CYP3A43: variants seen among roughly 807,000 people sequenced by gnomAD.
CYP3A43 encodes cytochrome P450 3A43.
CYP3A43 carries 45 observed loss-of-function variants against 58.0 expected under a neutral mutation model. The observed-to-expected ratio is 0.78, with a 90% CI of 0.61 to 0.99. The LOEUF (loss-of-function observed/expected upper bound fraction) is 0.99, where lower values mean the gene tolerates loss of function less well. Among genes scored for constraint, CYP3A43 ranks in the 50% least tolerant of loss-of-function variants. The pLI is 0.00. For missense variants in CYP3A43, 593 were observed against 591.9 expected (o/e 1.00, Z -0.02); for synonymous variants, 191 against 201.4 (o/e 0.95, Z 0.44).
chr7:99,830,779 A>C (rs1478248209), intron 1 of CYP3A43, among the ~76,000 whole-genome samples: 1 of 152,228 alleles, frequency 6.6e-6, no homozygotes, highest in African/African-American at 2.4e-5. Context: ...CAAGGCTCCC[A>C]TGCATATTCA....
Position 99,865,905 on chromosome 7 carries a change from G to T in CYP3A43, c.1417-1G>T, listed in dbSNP as rs201313822. Reference sequence around the variant, plus strand: ...TGAATATTCTTGTTTAACTTTTGCAGATCCCACTGAAATTAGACAATCTAC... The same window carrying T: ...TGAATATTCTTGTTTAACTTTTGCATATCCCACTGAAATTAGACAATCTAC... On this transcript the variant is annotated splice_acceptor_variant, in intron 12 of 12. Transcript: ENST00000354829. LOFTEE classifies it high-confidence loss of function. 9.4e-6 allele frequency: 15 copies of T among 1,588,124 alleles called. No individual in the cohort carries two copies. The highest frequency in any genetic ancestry group is 1.3e-5 in the Non-Finnish European group (15 of 1,168,942).
Position 99,848,238 on chromosome 7 carries a change from T to C in CYP3A43, c.505T>C (p.Ser169Pro). ...GAGGCAGGAAGCAGAGAACAGCAAGTCCATCAACTTGAAAGAGTAAGTAGC... is the reference window on the plus strand; with the variant it reads ...GAGGCAGGAAGCAGAGAACAGCAAGCCCATCAACTTGAAAGAGTAAGTAGC... ...SLRQEAENSKSINLKDFFGAY... is the reference protein window; with the variant it reads ...SLRQEAENSKPINLKDFFGAY... The change falls in exon 6 of 13, where the codon TCC becomes CCC. Residue 169 changes from serine (S) to proline (P), a missense_variant. Ser to Pro is a moderately conservative substitution (Grantham distance 74). Coordinates refer to ENST00000354829, the MANE Select transcript of CYP3A43 (RefSeq NM_057095.3). 6.2e-7 allele frequency: 1 copy of C among 1,614,052 alleles called. No individual in the cohort carries two copies. The highest frequency in any genetic ancestry group is 1.1e-5 in the South Asian group (1 of 91,066).
At position 99,856,613 on chromosome 7, in the gene CYP3A43, A is replaced by G. The variant is rs564380074; in HGVS notation, c.799-220A>G. On this transcript the variant is annotated intron_variant, in intron 8 of 12. Coordinates refer to ENST00000354829, the MANE Select transcript of CYP3A43 (RefSeq NM_057095.3). ...AGGGAGAGCAAAGACTAAAAAGCAG[A>G]TAGACATGACAAAAGGATTTCTCTC... Among the ~76,000 whole-genome samples the G allele has an allele frequency of 2.0e-5, 3 of 152,318 alleles. No homozygotes were observed. The East Asian group carries it at 5.8e-4, about 29-fold the overall frequency.
intron 3 of CYP3A43, among the ~76,000 whole-genome samples, chr7:99,843,702 G>A (rs1183149492): frequency 1.3e-5 from 2 of 152,086 alleles, no homozygotes; most frequent in Non-Finnish European, 2.9e-5. Context: ...CTGACCTCAA[G>A]TGATCCACCC....
At chr7:99,838,379 A>G (rs1360444816) in intron 2 of CYP3A43, among the ~76,000 whole-genome samples, 1 of 152,240 alleles carries the variant, frequency 6.6e-6, no homozygotes, top group African/African-American at 2.4e-5. Flanking sequence ...AATACATGAG[A>G]TAAATGAAAA....
chr7:99,851,795 A>G (rs1817772087), intron 7 of CYP3A43, among the ~76,000 whole-genome samples: 1 of 152,100 alleles, frequency 6.6e-6, no homozygotes, highest in African/African-American at 2.4e-5. Context: ...ACTTCTTTGA[A>G]CTTTAATTTT....
chr7:99,839,269 A>G, intron 3 of CYP3A43, 97 bp downstream of exon 3: 3 of 1,438,640 alleles, frequency 2.1e-6, no homozygotes, highest in East Asian at 4.5e-5. Context: ...TGTTTGGATA[A>G]TGCTATTGTC....
At chr7:99,836,684 A>G (rs1817095566) in intron 2 of CYP3A43, 138 bp downstream of exon 2, 1 of 640,862 alleles carries the variant, frequency 1.6e-6, no homozygotes, top group Admixed American at 3.4e-5. Context: ...CTCCACCCAG[A>G]GCAGGGCCAG....
At chr7:99,860,108 A>T in intron 10 of CYP3A43, 118 bp downstream of exon 10, 1 of 1,269,940 alleles carries the variant, frequency 7.9e-7, no homozygotes, top group Non-Finnish European at 1.1e-6. Context: ...TTTCATTTAC[A>T]CTATGCAGAA....
At chr7:99,847,784 G>A in intron 5 of CYP3A43, 183 bp downstream of exon 5, 2 of 862,724 alleles carry the variant, frequency 2.3e-6, no homozygotes, top group Non-Finnish European at 3.6e-6. Flanking sequence ...GGCCGAGGTG[G>A]GTGGATCACC....
chr7:99,841,984 T>A (rs915158808), intron 3 of CYP3A43, among the ~76,000 whole-genome samples: 13 of 152,214 alleles, frequency 8.5e-5, no homozygotes, highest in African/African-American at 2.9e-4. Flanking sequence ...TAATAAATAC[T>A]TCATTAGAAA....
At position 99,855,666 on chromosome 7, in the gene CYP3A43, TA is replaced by T; in HGVS notation, c.752del (p.Asn251IlefsTer6). On this transcript the variant is annotated frameshift_variant, in exon 8 of 13. Transcript: ENST00000354829. LOFTEE classifies it high-confidence loss of function. ...TTTCCAAAAGATGTTACCCATTTTT[TA>T]AAAAATTCCATTGAAAGGATGAAAG... ...GLFPKDVTHF[L>X]KNSIERMKES... 1 of 1,613,286 alleles carries T rather than the reference TA, an allele frequency of 6.2e-7. No homozygotes were observed. Among genetic ancestry groups the T allele is most frequent in the South Asian group, 1.1e-5 (1 of 90,812 alleles).
intron 8 of CYP3A43, 48 bp from the exon 9 acceptor site, chr7:99,856,785 A>T (rs757979203): frequency 2.0e-5 from 32 of 1,607,428 alleles, no homozygotes; most frequent in Middle Eastern, 1.7e-4. Flanking sequence ...TTCACTTCTG[A>T]CTTCACAAGT....
chr7:99,837,849 C>T (rs45504794), intron 2 of CYP3A43, among the ~76,000 whole-genome samples: 2,358 of 152,318 alleles, frequency 0.015, 64 homozygotes, highest in African/African-American at 0.053. Context: ...TGCGTGTCCA[C>T]ATGGCCAGTA....
chr7:99,847,971 G>GT, intron 5 of CYP3A43, 195 bp from the exon 6 acceptor site: 4 of 607,132 alleles, frequency 6.6e-6, no homozygotes, highest in Non-Finnish European at 1.1e-5. Flanking sequence ...AGATTGCGCC[G>GT]TTGCACTCCA....
In CYP3A43 at chr7:99,844,248, C is replaced by G; in HGVS notation, c.318+6C>G. The G allele has an allele frequency of 1.2e-6, 2 of 1,609,190 alleles. No homozygotes were observed. The highest frequency in any genetic ancestry group is 1.7e-6 in the Non-Finnish European group (2 of 1,178,200). On this transcript the variant is annotated splice_donor_region_variant and intron_variant, in intron 4 of 12. Coordinates refer to ENST00000354829, the MANE Select transcript of CYP3A43 (RefSeq NM_057095.3). ...CTGTCTTCACAAACCAGATGGTAGG[C>G]CTATATTTTCAAATGTATTAATCAA...
At position 99,828,013 on chromosome 7, in the gene CYP3A43, A is replaced by T; in HGVS notation, c.-103A>T. The T allele has an allele frequency of 1.2e-6, 1 of 837,822 alleles. No individual in the cohort carries two copies. The highest frequency in any genetic ancestry group is 1.8e-6 in the Non-Finnish European group (1 of 553,730). The allele number at this position is 837,822 out of a possible 1,614,324, so 51.9% of individuals were successfully genotyped here. Reference sequence around the variant, plus strand: ...TATCGCTGTTAACATTAACTAAATCACCTCTGGGCAGAGAAACAAAGCTCT... The same window carrying T: ...TATCGCTGTTAACATTAACTAAATCTCCTCTGGGCAGAGAAACAAAGCTCT... On this transcript the variant is annotated 5_prime_UTR_variant, in exon 1 of 13. Transcript: ENST00000354829.
intron 10 of CYP3A43, 70 bp downstream of exon 10, chr7:99,860,060 G>T: frequency 6.6e-7 from 1 of 1,516,860 alleles, no homozygotes; most frequent in Non-Finnish European, 8.8e-7. Context: ...CTCACCACTT[G>T]CCAGGACAAT....
chr7:99,832,491 G>A (rs1816884961), intron 1 of CYP3A43, among the ~76,000 whole-genome samples: 1 of 135,716 alleles, frequency 7.4e-6, no homozygotes, highest in Admixed American at 8.3e-5. Context: ...ATTGAACAAT[G>A]AGAACACATG....
Sources: allele counts gnomAD v4.1 joint callset (sites outside exome capture counted in the v4.1 genomes callset), GRCh38; gene constraint gnomAD v4.1.1; transcripts MANE v1.5; gene names NCBI Gene and HGNC (gene_info 2026-07-23, HGNC 2026-07-21).